The following TMEM53 variants were observed in gnomAD, a reference collection of about 807,000 sequenced individuals.
TMEM53 encodes the protein transmembrane protein 53, also known as novel DUF829 domain-containing protein.
A neutral mutation model predicts 21.4 loss-of-function variants in TMEM53; 14 were observed. That is an observed-to-expected ratio of 0.65 (90% confidence interval 0.43 to 1.02). The LOEUF is 1.02. Ranked by LOEUF, TMEM53 falls within the 50% of genes least tolerant of loss-of-function variation. TMEM53 has a pLI of 0.00. For missense variants in TMEM53, 323 were observed against 383.6 expected, an observed-to-expected ratio of 0.84 and a Z score of 1.32; for synonymous variants, 148 against 157.4, an observed-to-expected ratio of 0.94 and a Z score of 0.45.
chr1:44,657,879 T>G (rs1318765168), intron 2 of TMEM53, among the ~76,000 whole-genome samples: 1 of 142,430 alleles, frequency 7.0e-6, no homozygotes, highest in Admixed American at 6.8e-5. Context: ...AGTTTTGGGT[T>G]GGACTTTTTT....
At chr1:44,674,216 G>GGGGGCGGCCCGAGGGAGGGC in intron 1 of TMEM53, 115 bp downstream of exon 1, 2 of 1,454,404 alleles carry the variant, frequency 1.4e-6, no homozygotes, top group Middle Eastern at 1.9e-4. Flanking sequence ...GACCCTATGA[G>GGGGGCGGCCCGAGGGAGGGC]GGGGCGGCCC....
chr1:44,665,679 C>G (rs1487870044), intron 1 of TMEM53, among the ~76,000 whole-genome samples: 1 of 150,544 alleles, frequency 6.6e-6, no homozygotes, highest in Non-Finnish European at 1.5e-5. Flanking sequence ...GGTAATTCCA[C>G]TTATAAGAAA....
chr1:44,661,896 C>A (rs1454960756), intron 1 of TMEM53, among the ~76,000 whole-genome samples: 1 of 152,174 alleles, frequency 6.6e-6, no homozygotes, highest in African/African-American at 2.4e-5. Context: ...ATCTCATTTC[C>A]CCTGCAAAGT....
At chr1:44,667,456 C>T (rs1389491535) in intron 1 of TMEM53, among the ~76,000 whole-genome samples, 1 of 151,748 alleles carries the variant, frequency 6.6e-6, no homozygotes, top group Non-Finnish European at 1.5e-5. Context: ...TACAGGCGCC[C>T]ACCATCATGC....
In TMEM53 at chr1:44,654,935, C is replaced by T. The variant is rs1466226857; in HGVS notation, c.458G>A (p.Gly153Glu). Residue 153 changes from glycine (G) to glutamate (E), a missense_variant, in exon 3 of 3, where the codon GGG becomes GAG. Gly to Glu is a moderately conservative substitution (Grantham distance 98). This residue lies in a region of TMEM53 where 269 missense variants were observed against 334.5 expected (regional missense o/e 0.80). Coordinates refer to ENST00000372237, the MANE Select transcript of TMEM53 (RefSeq NM_024587.4). The surrounding 1 kb of genome is among the most constrained non-coding windows in gnomAD (Gnocchi z 7.0). Reference protein sequence around the residue: ...DSAPGDSNLVGALRALAAILE... With the variant: ...DSAPGDSNLVEALRALAAILE... ...GATGGCTGCCAGGGCCCGCAGAGCC[C>T]CTACCAGGTTGCTGTCACCAGGAGC... 1 of 1,613,670 alleles carries T rather than the reference C, an allele frequency of 6.2e-7. No individual in the cohort carries two copies. Among genetic ancestry groups the T allele is most frequent in the African/African-American group, 1.3e-5 (1 of 75,056 alleles).
intron 1 of TMEM53, among the ~76,000 whole-genome samples, chr1:44,664,856 T>C (rs1293346205): frequency 6.6e-6 from 1 of 151,978 alleles, no homozygotes; most frequent in Non-Finnish European, 1.5e-5. Flanking sequence ...AGAGGGGAAG[T>C]CCCTTTCCCC....
intron 1 of TMEM53, chr1:44,674,110 C>T: frequency 1.0e-6 from 1 of 985,442 alleles, no homozygotes; most frequent in Non-Finnish European, 1.2e-6. Context: ...GAGCAGCTGA[C>T]TCGGGCAGAG....
chr1:44,672,287 C>A (rs533071179), intron 1 of TMEM53, among the ~76,000 whole-genome samples: 2 of 152,362 alleles, frequency 1.3e-5, no homozygotes, highest in South Asian at 4.1e-4. Context: ...AGGCACGAAG[C>A]TGTCCTCTTG....
chr1:44,664,926 T>C (rs1298718298), intron 1 of TMEM53, among the ~76,000 whole-genome samples: 1 of 152,178 alleles, frequency 6.6e-6, no homozygotes, highest in African/African-American at 2.4e-5. Context: ...CAGCGTGCTC[T>C]ACCGCCTCCA....
chr1:44,672,482 TACTGA>T (rs1645010411), intron 1 of TMEM53, among the ~76,000 whole-genome samples: 1 of 152,056 alleles, frequency 6.6e-6, no homozygotes, highest in Admixed American at 6.6e-5. Context: ...ACACAGCAAA[TACTGA>T]ACTGAGAGCG....
chr1:44,655,278 G>A lies in TMEM53; in HGVS notation c.184-69C>T, dbSNP rs574118533. On this transcript the variant is annotated intron_variant, in intron 2 of 2. Transcript: ENST00000372237. This position sits in a 1 kb window ranked among gnomAD's most constrained non-coding sequence, Gnocchi z 4.4. ...TAGTGGGTACAAGCTAAGGTCAGAGGGGCCCAGCAACCCCAGCCTGTAGGA... is the reference window on the plus strand; with the variant it reads ...TAGTGGGTACAAGCTAAGGTCAGAGAGGCCCAGCAACCCCAGCCTGTAGGA... 5 of 1,473,692 alleles carry A rather than the reference G, an allele frequency of 3.4e-6. No individual in the cohort carries two copies. The African/African-American group carries it at 7.1e-5, about 21-fold the overall frequency. 91.3% of individuals were successfully genotyped at this position (1,473,692 alleles called of 1,614,324 possible). A position where few individuals can be genotyped will look rare whatever the true frequency, so the allele number is the denominator to read the frequency against.
chr1:44,660,105 T>A, intron 2 of TMEM53, 69 bp downstream of exon 2: 1 of 1,554,672 alleles, frequency 6.4e-7, no homozygotes, highest in Admixed American at 1.8e-5. Flanking sequence ...CTTAAAGCCA[T>A]TCCCAGTCCT....
chr1:44,656,126 G>A (rs1040098209), intron 2 of TMEM53, among the ~76,000 whole-genome samples: 15 of 151,982 alleles, frequency 9.9e-5, no homozygotes, highest in African/African-American at 3.6e-4. Flanking sequence ...AGAGTGCTGG[G>A]GTCAGACAGG....
chr1:44,658,343 A>T (rs1024080836), intron 2 of TMEM53, among the ~76,000 whole-genome samples: 3 of 151,948 alleles, frequency 2.0e-5, no homozygotes, highest in Non-Finnish European at 4.4e-5. Context: ...TTACCCTGGG[A>T]ACCTCCCTAT....
chr1:44,673,877 AG>A, intron 1 of TMEM53: 1 of 985,388 alleles, frequency 1.0e-6, no homozygotes, highest in Non-Finnish European at 1.2e-6. Flanking sequence ...GGGACGGCTA[AG>A]GGTTCTGAGT....
chr1:44,673,835 G>A (rs936352316), intron 1 of TMEM53: 77 of 984,742 alleles, frequency 7.8e-5, no homozygotes, highest in Non-Finnish European at 8.9e-5. Context: ...GGCAGAGACT[G>A]CACTGTTAAC....
At chr1:44,664,024 C>T (rs1456781689) in intron 1 of TMEM53, among the ~76,000 whole-genome samples, 10 of 151,942 alleles carry the variant, frequency 6.6e-5, no homozygotes, top group East Asian at 1.9e-4. Flanking sequence ...AGGTGGCACA[C>T]GCCTGTAGTC....
intron 2 of TMEM53, 64 bp downstream of exon 2, chr1:44,660,110 A>T: frequency 6.4e-7 from 1 of 1,563,960 alleles, no homozygotes; most frequent in Non-Finnish European, 8.7e-7. Context: ...AGCCATTCCC[A>T]GTCCTGCCTC....
In TMEM53 at chr1:44,674,313, C is replaced by T; in HGVS notation, c.61+18G>A. 1.2e-6 allele frequency: 2 copies of T among 1,608,450 alleles called. No homozygotes were observed. The highest frequency in any genetic ancestry group is 1.7e-6 in the Non-Finnish European group (2 of 1,177,238). ...TGAGGTCACCTCCCCGCGCCTGGACCCAACCCTCATTCCATACTCTGGCTC... is the reference window on the plus strand; with the variant it reads ...TGAGGTCACCTCCCCGCGCCTGGACTCAACCCTCATTCCATACTCTGGCTC... On this transcript the variant is annotated intron_variant, in intron 1 of 2. Coordinates refer to ENST00000372237, the MANE Select transcript of TMEM53 (RefSeq NM_024587.4).
Sources: allele counts gnomAD v4.1 joint callset (sites outside exome capture counted in the v4.1 genomes callset), GRCh38; gene constraint gnomAD v4.1.1; regional missense constraint gnomAD v4.1.1; non-coding constraint Gnocchi (gnomAD v3.1); transcripts MANE v1.5; gene names NCBI Gene and HGNC (gene_info 2026-07-23, HGNC 2026-07-21).